Variants in EXT2 observed in about 807,000 individuals in gnomAD.
EXT2 encodes exostosin-2.
A neutral mutation model predicts 81.6 loss-of-function variants in EXT2; 53 were observed. The observed-to-expected ratio is 0.65, with a 90% CI of 0.52 to 0.82. EXT2 has a LOEUF of 0.82. Ranked by LOEUF, EXT2 falls within the 40% of genes least tolerant of loss-of-function variation. The probability of loss-of-function intolerance (pLI) is 0.00; values close to 1 mark genes in which losing one functional copy is unlikely to be tolerated. For synonymous variants in EXT2, 320 were observed against 340.0 expected (o/e 0.94, Z 0.65); for missense variants, 774 against 910.2 (o/e 0.85, Z 1.93).
intron 4 of EXT2, among the ~76,000 whole-genome samples, chr11:44,119,169 T>TATATATATATATATACACAC (rs1192115471): frequency 6.3e-5 from 4 of 63,154 alleles, no homozygotes; most frequent in East Asian, 5.7e-4. Flanking sequence ...TATATATATA[T>TATATATATATATATACACAC]ACACATACAC....
chr11:44,158,059 T>G (rs1030806859), intron 7 of EXT2, among the ~76,000 whole-genome samples: 2 of 152,244 alleles, frequency 1.3e-5, no homozygotes, highest in African/African-American at 2.4e-5. Flanking sequence ...CCTATTCTGC[T>G]GTGGTTGAGC....
rs1305435869 is a variant in EXT2 at position 44,245,854 on chromosome 11, T to C, written c.*1567T>C. ...TAAGTGATCGAATCATGGACTATTA[T>C]TGCCAAAGGGGGCAAGCGATCATCT... On this transcript the variant is annotated 3_prime_UTR_variant, in exon 14 of 14. Transcript: ENST00000533608. Among the ~76,000 whole-genome samples, 1 of 152,268 alleles carries C rather than the reference T, an allele frequency of 6.6e-6. No homozygotes were observed. The highest frequency in any genetic ancestry group is 1.5e-5 in the Non-Finnish European group (1 of 68,046).
chr11:44,104,024 C>T (rs1325982008), intron 1 of EXT2, among the ~76,000 whole-genome samples: 1 of 151,932 alleles, frequency 6.6e-6, no homozygotes, highest in African/African-American at 2.4e-5. Context: ...CTTCTGTTAT[C>T]TTTGGTTTTA....
chr11:44,235,225 C>CTTTTTTTTTT (rs35214626), intron 12 of EXT2, among the ~76,000 whole-genome samples: 15 of 50,768 alleles, frequency 3.0e-4, no homozygotes, highest in East Asian at 6.7e-4. Context: ...CCCAAATTTG[C>CTTTTTTTTTT]TTTTTTTTTT....
chr11:44,105,207 A>G (rs1954037729), intron 1 of EXT2, among the ~76,000 whole-genome samples: 1 of 152,242 alleles, frequency 6.6e-6, no homozygotes. Context: ...AAGATGGTCT[A>G]TGAGCTTTTC....
chr11:44,139,119 C>CT (rs1301597466), intron 7 of EXT2, among the ~76,000 whole-genome samples: 1 of 97,288 alleles, frequency 1.0e-5, no homozygotes. Context: ...CTCTCTCTCT[C>CT]CTTTTTTTTT....
intron 1 of EXT2, among the ~76,000 whole-genome samples, chr11:44,099,270 C>T (rs1372483591): frequency 6.6e-6 from 1 of 152,180 alleles, no homozygotes; most frequent in Non-Finnish European, 1.5e-5. Flanking sequence ...ACTGCAAGCT[C>T]CGCCTCCCAG....
At chr11:44,225,238 A>G (rs913334927) in intron 10 of EXT2, among the ~76,000 whole-genome samples, 14 of 152,054 alleles carry the variant, frequency 9.2e-5, no homozygotes, top group African/African-American at 3.4e-4. Flanking sequence ...TTTGGGGTTA[A>G]TCTTTCATTT....
At chr11:44,154,754 C>A (rs1954836424) in intron 7 of EXT2, among the ~76,000 whole-genome samples, 1 of 152,106 alleles carries the variant, frequency 6.6e-6, no homozygotes, top group South Asian at 2.1e-4. Flanking sequence ...TACATTCCCA[C>A]CAACACTGTA....
In EXT2 at chr11:44,167,886, C is replaced by T. The variant is rs559068222; in HGVS notation, c.1174-3725C>T. ...TGTGCAGGTTAGTTACATATGTATA[C>T]GTGTGCCATGCTGGTGCGCTGCACC... On this transcript the variant is annotated intron_variant, in intron 7 of 13. Coordinates refer to ENST00000533608, the MANE Select transcript of EXT2 (RefSeq NM_207122.2). Among the ~76,000 whole-genome samples the T allele has an allele frequency of 1.4e-3, 210 of 152,042 alleles. 1 individual carries two copies. Among genetic ancestry groups the T allele is most frequent in the Non-Finnish European group, 2.3e-3 (156 of 67,996 alleles).
intron 9 of EXT2, among the ~76,000 whole-genome samples, chr11:44,202,300 T>C (rs927736641): frequency 7.9e-5 from 12 of 152,224 alleles, no homozygotes; most frequent in African/African-American, 2.9e-4. Flanking sequence ...GAAAGCTGTC[T>C]ATGGGTTGAA....
rs999178565 is a variant in EXT2, at chr11:44,125,074, G to C, written c.939+90G>C. 4.0e-5 allele frequency: 51 copies of C among 1,260,492 alleles called. No homozygotes were observed. In the African/African-American group the frequency reaches 7.3e-4, roughly 18 times the overall value. The allele number at this position is 1,260,492 out of a possible 1,614,324, so 78.1% of individuals were successfully genotyped here. On this transcript the variant is annotated intron_variant, in intron 5 of 13. Transcript: ENST00000533608. ...GCCCAGCGAACCTGAGTTGTTTTCA[G>C]CATGCAACTAGAATTACCCAAGGGG...
At chr11:44,173,326 C>T (rs1955104171) in intron 8 of EXT2, among the ~76,000 whole-genome samples, 1 of 152,184 alleles carries the variant, frequency 6.6e-6, no homozygotes, top group Non-Finnish European at 1.5e-5. Flanking sequence ...GGTAACATCT[C>T]AGAATGTAAG....
At chr11:44,151,954 T>C (rs1475597003) in intron 7 of EXT2, among the ~76,000 whole-genome samples, 1 of 152,228 alleles carries the variant, frequency 6.6e-6, no homozygotes, top group Non-Finnish European at 1.5e-5. Context: ...AATTTATAAT[T>C]CCTTAATGAT....
At chr11:44,215,991 C>A (rs1407518048) in intron 10 of EXT2, among the ~76,000 whole-genome samples, 2 of 151,980 alleles carry the variant, frequency 1.3e-5, no homozygotes, top group Non-Finnish European at 2.9e-5. Context: ...ATTCTCCTGC[C>A]TCAACCTCCC....
Position 44,125,081 on chromosome 11 carries a change from A to G in EXT2, c.939+97A>G, listed in dbSNP as rs139959197. 806 of 1,152,864 alleles carry G rather than the reference A, an allele frequency of 7.0e-4. 4 individuals carry two copies. In the African/African-American group the frequency reaches 0.011, roughly 15 times the overall value. 71.4% of individuals were successfully genotyped at this position (1,152,864 alleles called of 1,614,324 possible). On this transcript the variant is annotated intron_variant, in intron 5 of 13. Coordinates refer to ENST00000533608, the MANE Select transcript of EXT2 (RefSeq NM_207122.2). ...GAACCTGAGTTGTTTTCAGCATGCA[A>G]CTAGAATTACCCAAGGGGAAGAAAA...
chr11:44,216,098 G>A (rs559918420), intron 10 of EXT2, among the ~76,000 whole-genome samples: 2 of 151,650 alleles, frequency 1.3e-5, no homozygotes, highest in Non-Finnish European at 2.9e-5. Flanking sequence ...GGATGGTCTC[G>A]ATCTCCTGAC....
intron 10 of EXT2, among the ~76,000 whole-genome samples, chr11:44,231,231 TAGA>T (rs1303333537): frequency 1.3e-5 from 2 of 151,766 alleles, no homozygotes; most frequent in African/African-American, 2.4e-5. Flanking sequence ...TGGTAAGAGA[TAGA>T]AGAAGAGCCA....
chr11:44,178,541 G>C (rs557191533), intron 8 of EXT2, among the ~76,000 whole-genome samples: 18 of 152,274 alleles, frequency 1.2e-4, no homozygotes, highest in African/African-American at 4.1e-4. Flanking sequence ...AAAGGTTGTG[G>C]TTGTACAAGC....
Sources: gnomAD v4.1 joint callset for allele counts (sites outside exome capture counted in the v4.1 genomes callset) on GRCh38, gnomAD v4.1.1 for gene constraint, MANE v1.5 for transcripts, NCBI Gene and HGNC (gene_info 2026-07-23, HGNC 2026-07-21) for gene names.